Variants in CACNA1B observed in about 807,000 individuals in gnomAD.
CACNA1B encodes the protein calcium voltage-gated channel subunit alpha1 B.
CACNA1B carries 70 observed loss-of-function variants against 247.2 expected under a neutral mutation model. That is an observed-to-expected ratio of 0.28 (90% CI 0.23 to 0.35). CACNA1B has a LOEUF of 0.35. CACNA1B is among the 10% of genes least tolerant of loss of function. The pLI, the probability that CACNA1B is intolerant of heterozygous loss-of-function variation, is 1.00. For synonymous variants in CACNA1B, 1,231 were observed against 1,294.4 expected, an observed-to-expected ratio of 0.95 and a Z score of 1.05; for missense variants, 2,367 against 3,197.4, an observed-to-expected ratio of 0.74 and a Z score of 6.26.
At chr9:138,101,508 G>A (rs1258915928) in intron 37 of CACNA1B, among the ~76,000 whole-genome samples, 1 of 152,226 alleles carries the variant, frequency 6.6e-6, no homozygotes, top group Non-Finnish European at 1.5e-5. Context: ...TTTTTCCTCC[G>A]AGCTCTCGAG....
At chr9:137,890,814 G>A (rs1194262133) in intron 3 of CACNA1B, 1 of 130,814 alleles carries the variant, frequency 7.6e-6, no homozygotes, top group Non-Finnish European at 1.8e-5. Flanking sequence ...GGCAGAGCTG[G>A]AGGCCGTGAG....
At chr9:137,892,834 C>T (rs746812802) in intron 3 of CACNA1B, among the ~76,000 whole-genome samples, 2 of 152,236 alleles carry the variant, frequency 1.3e-5, no homozygotes, top group Non-Finnish European at 2.9e-5. Flanking sequence ...GGGTGGAATT[C>T]GACACTGCAG....
chr9:137,998,926 T>C (rs55714059), intron 15 of CACNA1B, among the ~76,000 whole-genome samples: 53,496 of 152,166 alleles, frequency 0.35, 12,820 homozygotes, highest in African/African-American at 0.66. Context: ...CAACAGATAG[T>C]GAATAGAATA....
At chr9:137,949,636 G>A (rs1957855972) in intron 6 of CACNA1B, among the ~76,000 whole-genome samples, 1 of 152,076 alleles carries the variant, frequency 6.6e-6, no homozygotes, top group South Asian at 2.1e-4. Flanking sequence ...GGGCTTGTGT[G>A]CTGTCCACAC....
rs1402636222 is a variant in CACNA1B, at chr9:138,121,175, C to T, written c.6489+294C>T. ...TTACCTCTCTCTCGGTCACTTAACTCTCCTTCCCTGACTGTGGTCGTTGGG... is the reference window on the plus strand; with the variant it reads ...TTACCTCTCTCTCGGTCACTTAACTTTCCTTCCCTGACTGTGGTCGTTGGG... On this transcript the variant is annotated intron_variant, in intron 46 of 46. Transcript: ENST00000371372. The surrounding 1 kb of genome is among the most constrained non-coding windows in gnomAD (Gnocchi z 6.8). Among the ~76,000 whole-genome samples, 1 of 152,170 alleles carries T rather than the reference C, an allele frequency of 6.6e-6. No individual in the cohort carries two copies. Among genetic ancestry groups the T allele is most frequent in the Non-Finnish European group, 1.5e-5 (1 of 68,036 alleles).
rs774621692 is a variant in CACNA1B, at chr9:138,074,107, C to T, written c.4857+41C>T. ...TGGGACAGAGCGTGGTTCCGGCCTCCCGTGCCCTGGAGCAGAGGGGCACTG... is the reference window on the plus strand; with the variant it reads ...TGGGACAGAGCGTGGTTCCGGCCTCTCGTGCCCTGGAGCAGAGGGGCACTG... On this transcript the variant is annotated intron_variant, in intron 34 of 46. Coordinates refer to ENST00000371372, the MANE Select transcript of CACNA1B (RefSeq NM_000718.4). The T allele has an allele frequency of 4.8e-6, 7 of 1,462,574 alleles. No homozygotes were observed. The South Asian group carries it at 7.9e-5, about 17-fold the overall frequency. The allele number at this position is 1,462,574 out of a possible 1,614,324, so 90.6% of individuals were successfully genotyped here.
In CACNA1B at chr9:138,121,829, G is replaced by A; in HGVS notation, c.6850G>A (p.Val2284Met). 1 of 1,613,350 alleles carries A rather than the reference G, an allele frequency of 6.2e-7. No homozygotes were observed. Among genetic ancestry groups the A allele is most frequent in the Non-Finnish European group, 8.5e-7 (1 of 1,179,872 alleles). Residue 2284 changes from valine to methionine, a missense_variant, in exon 47 of 47, where the codon GTG becomes ATG. Val to Met is a conservative substitution (Grantham distance 21). This residue lies in a region of CACNA1B where 773 missense variants were observed against 779.4 expected (regional missense o/e 0.99). Coordinates refer to ENST00000371372, the MANE Select transcript of CACNA1B (RefSeq NM_000718.4). This position sits in a 1 kb window ranked among gnomAD's most constrained non-coding sequence, Gnocchi z 6.8. ...PEDTLTFEEA[V>M]ATNSGRSSRT... ...GGACACTCTCACTTTCGAGGAGGCT[G>A]TGGCCACCAACTCGGGCCGCTCCTC... is the stretch of plus-strand genomic sequence containing the variant.
intron 18 of CACNA1B, among the ~76,000 whole-genome samples, chr9:138,019,734 G>A (rs190897570): frequency 5.7e-4 from 87 of 152,280 alleles, no homozygotes; most frequent in Non-Finnish European, 9.6e-4. Flanking sequence ...GCTGTCAGAG[G>A]CACTGATGTC....
At chr9:137,969,327 A>G (rs1958117651) in intron 10 of CACNA1B, among the ~76,000 whole-genome samples, 1 of 152,218 alleles carries the variant, frequency 6.6e-6, no homozygotes, top group African/African-American at 2.4e-5. Context: ...TTCTGTGCAA[A>G]TACGGCTGTT....
At chr9:138,062,665 A>T (rs778609630) in intron 31 of CACNA1B, among the ~76,000 whole-genome samples, 1 of 152,090 alleles carries the variant, frequency 6.6e-6, no homozygotes, top group Non-Finnish European at 1.5e-5. Context: ...GCCTGCTCCC[A>T]AATGCTGGGT....
intron 21 of CACNA1B, among the ~76,000 whole-genome samples, chr9:138,045,767 A>C (rs1959177997): frequency 1.3e-5 from 2 of 152,200 alleles, no homozygotes; most frequent in Non-Finnish European, 2.9e-5. Context: ...GGGTTGAGGC[A>C]GCAGCAGGCT....
intron 3 of CACNA1B, among the ~76,000 whole-genome samples, chr9:137,907,486 C>G (rs1957311833): frequency 6.6e-6 from 1 of 152,184 alleles, no homozygotes; most frequent in Non-Finnish European, 1.5e-5. Context: ...AACACATCAC[C>G]AGGCTTTAAC....
At chr9:137,964,955 C>G (rs970387869) in intron 10 of CACNA1B, among the ~76,000 whole-genome samples, 4 of 152,210 alleles carry the variant, frequency 2.6e-5, no homozygotes, top group African/African-American at 7.2e-5. Context: ...CCTAGGGCTG[C>G]TGCAGTTTTC....
intron 20 of CACNA1B, among the ~76,000 whole-genome samples, chr9:138,041,042 G>A (rs1959114315): frequency 6.6e-6 from 1 of 152,150 alleles, no homozygotes; most frequent in African/African-American, 2.4e-5. Flanking sequence ...GATATCTTGG[G>A]AAACAATAGC....
Position 138,025,105 on chromosome 9 carries a change from C to T in CACNA1B, c.3219C>T (p.Asp1073=), listed in dbSNP as rs773076665. The T allele has an allele frequency of 6.2e-7, 1 of 1,613,544 alleles. No individual in the cohort carries two copies. Among genetic ancestry groups the T allele is most frequent in the Non-Finnish European group, 8.5e-7 (1 of 1,179,710 alleles). ...NVTRMGSQPP[D]PNTIVHIPVM... ...CTCGCATGGGCAGTCAGCCCCCAGACCCGAACACTATTGTACATATCCCAG... is the reference window on the plus strand; with the variant it reads ...CTCGCATGGGCAGTCAGCCCCCAGATCCGAACACTATTGTACATATCCCAG... The change falls in exon 20 of 47, where the codon GAC becomes GAT. Residue 1073 remains aspartate, a synonymous_variant. Coordinates refer to ENST00000371372, the MANE Select transcript of CACNA1B (RefSeq NM_000718.4).
intron 18 of CACNA1B, among the ~76,000 whole-genome samples, chr9:138,013,927 C>T (rs1405465947): frequency 6.6e-6 from 1 of 152,238 alleles, no homozygotes; most frequent in Non-Finnish European, 1.5e-5. Flanking sequence ...AGCTTGTTCT[C>T]TAGGCCCAGC....
At chr9:137,923,031 A>T (rs1349548038) in intron 6 of CACNA1B, among the ~76,000 whole-genome samples, 1 of 152,268 alleles carries the variant, frequency 6.6e-6, no homozygotes, top group East Asian at 1.9e-4. Context: ...ACAAAACCAC[A>T]CCAAATGTAA....
At position 138,058,791 on chromosome 9, in the gene CACNA1B, C is replaced by T; in HGVS notation, c.4473+58C>T. 2.0e-6 allele frequency: 3 copies of T among 1,477,830 alleles called. No individual in the cohort carries two copies. The highest frequency in any genetic ancestry group is 2.8e-6 in the Non-Finnish European group (3 of 1,082,650). 91.5% of individuals were successfully genotyped at this position (1,477,830 alleles called of 1,614,324 possible). On this transcript the variant is annotated intron_variant, in intron 29 of 46. Coordinates refer to ENST00000371372, the MANE Select transcript of CACNA1B (RefSeq NM_000718.4). The surrounding 1 kb of genome is among the most constrained non-coding windows in gnomAD (Gnocchi z 4.7). ...CGCTGCTAGGGATTGGGATCTAACCCTGAGGCTGAGTGGAGAGTCAGCCTT... is the reference window on the plus strand; with the variant it reads ...CGCTGCTAGGGATTGGGATCTAACCTTGAGGCTGAGTGGAGAGTCAGCCTT...
At chr9:138,045,802 T>C (rs1959178632) in intron 21 of CACNA1B, among the ~76,000 whole-genome samples, 2 of 152,100 alleles carry the variant, frequency 1.3e-5, no homozygotes, top group South Asian at 4.1e-4. Flanking sequence ...GATGAACAGC[T>C]CTGTGGACAC....
Sources: allele counts gnomAD v4.1 joint callset (sites outside exome capture counted in the v4.1 genomes callset), GRCh38; gene constraint gnomAD v4.1.1; regional missense constraint gnomAD v4.1.1; non-coding constraint Gnocchi (gnomAD v3.1); transcripts MANE v1.5; gene names NCBI Gene and HGNC (gene_info 2026-07-23, HGNC 2026-07-21).